Variants in SLC11A2 observed in about 807,000 individuals in gnomAD.
The protein encoded by SLC11A2 is solute carrier family 11 member 2, also known as natural resistance-associated macrophage protein 2.
A neutral mutation model predicts 68.0 loss-of-function variants in SLC11A2; 38 were observed. That is an observed-to-expected ratio of 0.56 (90% CI 0.43 to 0.73). The LOEUF (loss-of-function observed/expected upper bound fraction) is 0.73, where lower values mean the gene tolerates loss of function less well. Ranked by LOEUF, SLC11A2 falls within the 30% of genes least tolerant of loss-of-function variation. The probability of loss-of-function intolerance (pLI) is 0.00; values close to 1 mark genes in which losing one functional copy is unlikely to be tolerated. For missense variants in SLC11A2, 517 were observed against 690.5 expected, an observed-to-expected ratio of 0.75 and a Z score of 2.82; for synonymous variants, 242 against 250.6, an observed-to-expected ratio of 0.97 and a Z score of 0.32.
At chr12:51,016,110 T>C (rs999748107) in intron 1 of SLC11A2, among the ~76,000 whole-genome samples, 1 of 152,002 alleles carries the variant, frequency 6.6e-6, no homozygotes, top group African/African-American at 2.4e-5. Flanking sequence ...TAACAAAAGT[T>C]GTAAGACTGG....
chr12:50,969,414 G>A, the SLC11A2 span, among the ~76,000 whole-genome samples: 383 of 152,074 alleles, frequency 2.5e-3, no homozygotes, highest in African/African-American at 7.9e-3. Context: ...AATCTCATAC[G>A]TAAGGCCAGG....
chr12:51,026,462 G>A (rs774063597), upstream of SLC11A2: 5 of 775,482 alleles, frequency 6.4e-6, no homozygotes, highest in South Asian at 5.9e-5. Flanking sequence ...TCCCTGCAGC[G>A]GCCGGGATGC....
downstream of SLC11A2, among the ~76,000 whole-genome samples, chr12:50,979,135 T>A (rs750242666): frequency 6.6e-6 from 1 of 152,200 alleles, no homozygotes; most frequent in Non-Finnish European, 1.5e-5. Flanking sequence ...CTTATAGTAA[T>A]CCAGATTTAT....
intron 8 of SLC11A2, among the ~76,000 whole-genome samples, chr12:50,997,742 C>T (rs562626665): frequency 6.9e-6 from 1 of 144,760 alleles, no homozygotes; most frequent in South Asian, 2.3e-4. Context: ...AATCCTAGCA[C>T]TTTAGCAGGT....
chr12:51,012,155 C>A (rs1022858744), intron 1 of SLC11A2, among the ~76,000 whole-genome samples: 1 of 152,134 alleles, frequency 6.6e-6, no homozygotes, highest in African/African-American at 2.4e-5. Context: ...TTAAGCATAG[C>A]GTGTGGGATG....
chr12:50,995,843 G>A, intron 9 of SLC11A2, 56 bp from the exon 10 acceptor site: 1 of 1,560,584 alleles, frequency 6.4e-7, no homozygotes, highest in South Asian at 1.1e-5. Context: ...GTTTCCTTGT[G>A]ACATTTCAGG....
chr12:50,964,618 T>G, the SLC11A2 span, among the ~76,000 whole-genome samples: 162 of 152,304 alleles, frequency 1.1e-3, no homozygotes, highest in African/African-American at 3.8e-3. Flanking sequence ...TATTAGGCAG[T>G]GAAAGCATAC....
downstream of SLC11A2, among the ~76,000 whole-genome samples, chr12:50,975,239 A>C (rs1939833593): frequency 2.0e-5 from 3 of 152,228 alleles, no homozygotes; most frequent in Non-Finnish European, 4.4e-5. Context: ...CATAGTTGGA[A>C]GTAAAGCACT....
downstream of SLC11A2, chr12:50,981,594 G>A: frequency 2.9e-6 from 2 of 680,896 alleles, no homozygotes; most frequent in Non-Finnish European, 5.3e-6. Context: ...CCCTTCCCAT[G>A]AGGAAATCTT....
chr12:50,976,102 A>C (rs1939845303), downstream of SLC11A2, among the ~76,000 whole-genome samples: 1 of 152,242 alleles, frequency 6.6e-6, no homozygotes. Flanking sequence ...AAACTATTCC[A>C]ATCAATAGAA....
intron 6 of SLC11A2, among the ~76,000 whole-genome samples, chr12:50,999,798 A>C (rs980628489): frequency 4.6e-5 from 7 of 152,152 alleles, no homozygotes; most frequent in African/African-American, 1.7e-4. Context: ...ACCTGAGGTC[A>C]GGAGTTAGAG....
intron 6 of SLC11A2, among the ~76,000 whole-genome samples, chr12:50,999,891 C>T (rs1043315146): frequency 6.6e-6 from 1 of 152,054 alleles, no homozygotes; most frequent in Non-Finnish European, 1.5e-5. Flanking sequence ...GCCTGTAATC[C>T]CAGCTACTCA....
chr12:50,991,567 T>C (rs767017448), intron 14 of SLC11A2, 32 bp downstream of exon 14: 13 of 1,570,634 alleles, frequency 8.3e-6, no homozygotes, highest in Non-Finnish European at 1.1e-5. Context: ...CATATCAGCA[T>C]CCCCTTTGGG....
At chr12:50,963,126 T>A in the SLC11A2 span, among the ~76,000 whole-genome samples, 1 of 151,434 alleles carries the variant, frequency 6.6e-6, no homozygotes, top group Admixed American at 6.6e-5. Flanking sequence ...TCCCAGCACT[T>A]TGGGAGGCCG....
At chr12:51,018,521 G>A (rs1943820969) in intron 1 of SLC11A2, among the ~76,000 whole-genome samples, 1 of 151,704 alleles carries the variant, frequency 6.6e-6, no homozygotes, top group African/African-American at 2.4e-5. Flanking sequence ...TGGGCCGAGT[G>A]CGGTGGCTCA....
chr12:51,021,162 A>G (rs753484909), intron 1 of SLC11A2, among the ~76,000 whole-genome samples: 1 of 152,234 alleles, frequency 6.6e-6, no homozygotes, highest in Non-Finnish European at 1.5e-5. Context: ...GACGATGTAC[A>G]TAAGTTAAAT....
chr12:50,957,314 G>A, the SLC11A2 span, among the ~76,000 whole-genome samples: 9 of 151,454 alleles, frequency 5.9e-5, no homozygotes, highest in Non-Finnish European at 1.0e-4. Flanking sequence ...GGGCTCAAGC[G>A]ATTCTCGTGC....
At chr12:51,003,934 C>A (rs190034167) in intron 5 of SLC11A2, among the ~76,000 whole-genome samples, 1 of 151,400 alleles carries the variant, frequency 6.6e-6, no homozygotes, top group South Asian at 2.1e-4. Context: ...AGTGAGACTC[C>A]GTCTCAAAAA....
rs1942586775 is a variant in SLC11A2, at chr12:51,004,865, G to A, written c.352C>T (p.Leu118Phe). The A allele has an allele frequency of 1.2e-6, 2 of 1,614,002 alleles. No homozygotes were observed. The highest frequency in any genetic ancestry group is 1.7e-6 in the Non-Finnish European group (2 of 1,179,962). ...LLLATLVGLL[L>F]QRLAARLGVV... The stretch of plus-strand genomic sequence containing the variant: ...CCCAGTCTAGCTGCAAGCCGCTGGA[G>A]CAGCAGCCCCACAAGGGTGGCCAAC... Residue 118 changes from leucine (L) to phenylalanine (F), a missense_variant, in exon 5 of 16, where the codon CTC (leucine) becomes TTC (phenylalanine). Leu to Phe is a conservative substitution (Grantham distance 22, BLOSUM62 0). Transcript: ENST00000262052.
Sources: gnomAD v4.1 joint callset for allele counts (sites outside exome capture counted in the v4.1 genomes callset) on GRCh38, gnomAD v4.1.1 for gene constraint, MANE v1.5 for transcripts, NCBI Gene and HGNC (gene_info 2026-07-23, HGNC 2026-07-21) for gene names.